Variants in VAT1L observed in about 807,000 individuals in gnomAD.
VAT1L encodes vesicle amine transport 1 like.
A neutral mutation model predicts 44.1 loss-of-function variants in VAT1L; 34 were observed. The observed-to-expected ratio is 0.77, with a 90% CI of 0.59 to 1.03. The LOEUF (loss-of-function observed/expected upper bound fraction) is 1.03, where lower values mean the gene tolerates loss of function less well. Ranked by LOEUF, VAT1L falls within the 50% of genes least tolerant of loss-of-function variation. The pLI is 0.00. For synonymous variants in VAT1L, 253 were observed against 202.2 expected (o/e 1.25, Z -2.13); for missense variants, 615 against 538.8 (o/e 1.14, Z -1.40).
intron 4 of VAT1L, among the ~76,000 whole-genome samples, chr16:77,868,856 G>C (rs931635689): frequency 6.6e-6 from 1 of 152,038 alleles, no homozygotes; most frequent in Non-Finnish European, 1.5e-5. Flanking sequence ...AGCATCCCTG[G>C]TCTCTACCCA....
chr16:77,865,147 G>C (rs1020454290), intron 4 of VAT1L, among the ~76,000 whole-genome samples: 1 of 151,616 alleles, frequency 6.6e-6, no homozygotes, highest in African/African-American at 2.4e-5. Context: ...CTAATTTTTT[G>C]TATTTTTAGT....
intron 5 of VAT1L, among the ~76,000 whole-genome samples, chr16:77,877,835 T>C (rs1477054691): frequency 1.3e-5 from 2 of 152,196 alleles, no homozygotes; most frequent in Non-Finnish European, 1.5e-5. Context: ...CAGAGGCAGG[T>C]AAACATCCCA....
intron 7 of VAT1L, among the ~76,000 whole-genome samples, chr16:77,932,205 G>A (rs965959813): frequency 1.3e-5 from 2 of 150,768 alleles, no homozygotes; most frequent in Non-Finnish European, 2.9e-5. Context: ...CTGGGTTCAG[G>A]CCATTCTCCT....
intron 7 of VAT1L, among the ~76,000 whole-genome samples, chr16:77,902,156 C>T (rs2017389843): frequency 6.6e-6 from 1 of 152,170 alleles, no homozygotes. Flanking sequence ...GCATACACAG[C>T]CCTAGACATT....
At chr16:77,963,020 A>C (rs2018180664) in intron 7 of VAT1L, among the ~76,000 whole-genome samples, 1 of 152,214 alleles carries the variant, frequency 6.6e-6, no homozygotes, top group Non-Finnish European at 1.5e-5. Flanking sequence ...GAAATCGAGT[A>C]GAGGGCGCTG....
At chr16:77,961,684 A>G (rs759866434) in intron 7 of VAT1L, among the ~76,000 whole-genome samples, 11 of 152,150 alleles carry the variant, frequency 7.2e-5, no homozygotes, top group Non-Finnish European at 1.6e-4. Context: ...CCCAGCCAGG[A>G]TCTCAAACAC....
At chr16:77,796,217 A>C (rs1294405090) in intron 1 of VAT1L, among the ~76,000 whole-genome samples, 1 of 152,186 alleles carries the variant, frequency 6.6e-6, no homozygotes, top group East Asian at 1.9e-4. Context: ...GTTTCCATGA[A>C]CAGCAGCCAG....
intron 1 of VAT1L, among the ~76,000 whole-genome samples, chr16:77,808,638 C>T (rs1047150412): frequency 4.6e-5 from 7 of 152,026 alleles, no homozygotes; most frequent in African/African-American, 7.2e-5. Context: ...TCTTGTTGCC[C>T]AGGCTGGAGT....
At chr16:77,971,344 TTAGA>T (rs1185636798) in intron 7 of VAT1L, among the ~76,000 whole-genome samples, 2 of 152,176 alleles carry the variant, frequency 1.3e-5, no homozygotes, top group Admixed American at 6.5e-5. Flanking sequence ...GAAACTGCAC[TTAGA>T]TAGAGACAAC....
At chr16:77,973,984 TG>T (rs1378960007) in intron 8 of VAT1L, among the ~76,000 whole-genome samples, 1 of 152,208 alleles carries the variant, frequency 6.6e-6, no homozygotes, top group Non-Finnish European at 1.5e-5. Context: ...CCCAAAATGC[TG>T]GGATTACAGG....
At chr16:77,904,077 G>C (rs1440371022) in intron 7 of VAT1L, among the ~76,000 whole-genome samples, 2 of 151,656 alleles carry the variant, frequency 1.3e-5, no homozygotes, top group Non-Finnish European at 2.9e-5. Flanking sequence ...AATGACTTTG[G>C]CACCAGCCTA....
chr16:77,874,624 C>G (rs2017068169), intron 4 of VAT1L, among the ~76,000 whole-genome samples: 2 of 152,000 alleles, frequency 1.3e-5, no homozygotes, highest in Non-Finnish European at 2.9e-5. Context: ...CCAGGGATGC[C>G]TCTCTGATAG....
intron 7 of VAT1L, among the ~76,000 whole-genome samples, chr16:77,957,584 G>C (rs927580416): frequency 6.6e-6 from 1 of 151,892 alleles, no homozygotes; most frequent in Non-Finnish European, 1.5e-5. Flanking sequence ...ACTTAGCTGG[G>C]TGTGGTGGCA....
chr16:77,865,359 T>C (rs2016962359), intron 4 of VAT1L, among the ~76,000 whole-genome samples: 2 of 152,326 alleles, frequency 1.3e-5, no homozygotes, highest in South Asian at 4.1e-4. Context: ...TTTGACTTCC[T>C]TACGTGTATT....
intron 1 of VAT1L, among the ~76,000 whole-genome samples, chr16:77,795,281 GGC>G (rs199840108): frequency 0.013 from 1,053 of 79,306 alleles, 31 homozygotes; most frequent in East Asian, 0.082. Context: ...TTACAGTGGG[GGC>G]GGGGGGAAAG....
chr16:77,789,001 G>A (rs1273834840), intron 1 of VAT1L, 86 bp downstream of exon 1: 3 of 1,399,878 alleles, frequency 2.1e-6, no homozygotes, highest in African/African-American at 3.0e-5. Flanking sequence ...CTGGGATGCT[G>A]CCCGGGTAGA....
At chr16:77,828,224 G>T (rs2016544633) in intron 3 of VAT1L, among the ~76,000 whole-genome samples, 1 of 152,226 alleles carries the variant, frequency 6.6e-6, no homozygotes, top group South Asian at 2.1e-4. Context: ...TCCCCTGCAG[G>T]GAGAGACCAG....
chr16:77,847,257 C>A (rs2016766998), intron 3 of VAT1L, among the ~76,000 whole-genome samples: 1 of 151,616 alleles, frequency 6.6e-6, no homozygotes, highest in Admixed American at 6.6e-5. Flanking sequence ...GACTGATGTG[C>A]CTTTACTTCT....
intron 7 of VAT1L, among the ~76,000 whole-genome samples, chr16:77,914,685 G>A (rs2017533431): frequency 6.6e-6 from 1 of 152,144 alleles, no homozygotes; most frequent in Non-Finnish European, 1.5e-5. Context: ...ACACCAAATT[G>A]ATTGGGTAAA....
Sources: gnomAD v4.1 joint callset for allele counts (sites outside exome capture counted in the v4.1 genomes callset) on GRCh38, gnomAD v4.1.1 for gene constraint, MANE v1.5 for transcripts, NCBI Gene and HGNC (gene_info 2026-07-23, HGNC 2026-07-21) for gene names.